EZR: variants seen among roughly 807,000 people sequenced by gnomAD.
The protein encoded by EZR is cytovillin 2.
In EZR, 40 loss-of-function variants were observed where a neutral mutation model predicts 74.8. The observed-to-expected ratio is 0.53, with a 90% confidence interval of 0.42 to 0.70. The LOEUF (loss-of-function observed/expected upper bound fraction) is 0.70. Among genes scored for constraint, EZR ranks in the 30% least tolerant of loss-of-function variants. EZR has a pLI of 0.00. For synonymous variants in EZR, 341 were observed against 283.3 expected, an observed-to-expected ratio of 1.20 and a Z score of -2.05; for missense variants, 678 against 755.8, an observed-to-expected ratio of 0.90 and a Z score of 1.21.
chr6:158,785,605 C>A, intron 4 of EZR, 22 bp from the exon 5 acceptor site: 1 of 1,608,574 alleles, frequency 6.2e-7, no homozygotes, highest in South Asian at 1.1e-5. Context: ...AAGCCACACT[C>A]TCCACACAAA....
chr6:158,785,996 A>G (rs908708579), intron 4 of EZR, among the ~76,000 whole-genome samples: 7 of 152,138 alleles, frequency 4.6e-5, no homozygotes, highest in Admixed American at 4.6e-4. Flanking sequence ...GACTGCAGTG[A>G]GCTATGATGG....
At chr6:158,767,698 A>G (rs894339811) in intron 12 of EZR, among the ~76,000 whole-genome samples, 186 bp from the exon 13 acceptor site, 3 of 152,196 alleles carry the variant, frequency 2.0e-5, no homozygotes, top group African/African-American at 7.2e-5. Context: ...CGTCCAAGAC[A>G]GGAAGAGGAA....
chr6:158,781,814 A>G (rs939791716), intron 7 of EZR, among the ~76,000 whole-genome samples: 4 of 151,742 alleles, frequency 2.6e-5, no homozygotes, highest in African/African-American at 9.7e-5. Flanking sequence ...CCCAGGCTAG[A>G]GTGCAGTGGC....
chr6:158,767,270 C>T lies in EZR; in HGVS notation c.1587G>A (p.Arg529=). 6.2e-7 allele frequency: 1 copy of T among 1,612,338 alleles called. No individual in the cohort carries two copies. The highest frequency in any genetic ancestry group is 8.5e-7 in the Non-Finnish European group (1 of 1,178,828). ...GCCCCTTGGGCCTCACCAGCAGCTGCCGCTGCACACGCTCGTTCTTCTCTG... is the reference window on the plus strand; with the variant it reads ...GCCCCTTGGGCCTCACCAGCAGCTGTCGCTGCACACGCTCGTTCTTCTCTG... ...TEAEKNERVQ[R]QLLTLSSELS... The change falls in exon 13 of 14, where the codon CGG becomes CGA. Residue 529 remains arginine, a synonymous_variant. Transcript: ENST00000367075.
Position 158,766,986 on chromosome 6 carries a change from G to A in EZR, c.1689C>T (p.Asp563=). Residue 563 remains aspartate (D), a synonymous_variant, in exon 14 of 14, where the codon GAC becomes GAT. Transcript: ENST00000367075. ...GGATCTGCCGCAGCGTCTTGTACTT[G>A]TCCCGGCCTTGCCTCATGTTCTCGT... ...IHNENMRQGR[D]KYKTLRQIRQ... is the part of the protein sequence containing the mutation. 1 of 1,614,190 alleles carries A rather than the reference G, an allele frequency of 6.2e-7. No individual in the cohort carries two copies. The highest frequency in any genetic ancestry group is 8.5e-7 in the Non-Finnish European group (1 of 1,180,036).
In EZR at chr6:158,766,118, T is replaced by C. The variant is rs1790780565; in HGVS notation, c.*796A>G. ...TCCTGCCACATCACATCAAGTGCCA[T>C]GGTTTAGAGGGTTTTTCATATGTAA... is the stretch of plus-strand genomic sequence containing the variant. On this transcript the variant is annotated 3_prime_UTR_variant, in exon 14 of 14. Coordinates refer to ENST00000367075, the MANE Select transcript of EZR (RefSeq NM_001111077.2). 1 of 152,628 alleles carries C rather than the reference T, an allele frequency of 6.6e-6. No homozygotes were observed. The highest frequency in any genetic ancestry group is 1.5e-5 in the Non-Finnish European group (1 of 68,020). The allele number at this position is 152,628 out of a possible 1,614,324, so 9.5% of individuals were successfully genotyped here. A position where few individuals can be genotyped will look rare whatever the true frequency, so the allele number is the denominator to read the frequency against.
rs1177341628 is a variant in EZR at position 158,818,170 on chromosome 6, G to C, written c.-73-4C>G. On this transcript the variant is annotated splice_region_variant and splice_polypyrimidine_tract_variant and intron_variant, in intron 1 of 13. Coordinates refer to ENST00000367075, the MANE Select transcript of EZR (RefSeq NM_001111077.2). ...GCAGCGAAGACGCTGTCCCAACCTG[G>C]AGTCAGAGCAGAACCCTTAGAGCGC... 1 of 1,563,048 alleles carries C rather than the reference G, an allele frequency of 6.4e-7. No individual in the cohort carries two copies. Among genetic ancestry groups the C allele is most frequent in the Non-Finnish European group, 8.8e-7 (1 of 1,139,766 alleles).
intron 7 of EZR, among the ~76,000 whole-genome samples, chr6:158,779,219 A>G (rs1274504133): frequency 1.3e-5 from 2 of 152,222 alleles, no homozygotes; most frequent in Non-Finnish European, 2.9e-5. Context: ...AATAATGAGA[A>G]AACACCAGAC....
chr6:158,781,683 G>A (rs770802478), intron 7 of EZR, among the ~76,000 whole-genome samples: 3 of 152,174 alleles, frequency 2.0e-5, no homozygotes, highest in Non-Finnish European at 2.9e-5. Context: ...TCCTTGGCAT[G>A]GCTGTCTTAA....
chr6:158,818,852 G>A (rs1583596545), intron 1 of EZR, among the ~76,000 whole-genome samples: 1 of 148,354 alleles, frequency 6.7e-6, no homozygotes, highest in South Asian at 2.1e-4. Context: ...AGGGCGGGCG[G>A]GGGGGCACTC....
intron 8 of EZR, among the ~76,000 whole-genome samples, chr6:158,772,727 T>G (rs77940498): frequency 0.033 from 5,024 of 152,318 alleles, 98 homozygotes; most frequent in Middle Eastern, 0.054. Context: ...CTCTGTTGGC[T>G]TCCTCTTAAC....
At chr6:158,772,209 G>T (rs73799903) in intron 8 of EZR, among the ~76,000 whole-genome samples, 6,270 of 152,330 alleles carry the variant, frequency 0.041, 409 homozygotes, top group African/African-American at 0.14. Flanking sequence ...AAGGGCAGGG[G>T]CCACACATTC....
At chr6:158,796,732 G>A (rs1213962327) in intron 2 of EZR, among the ~76,000 whole-genome samples, 2 of 152,252 alleles carry the variant, frequency 1.3e-5, no homozygotes, top group Non-Finnish European at 2.9e-5. Context: ...CTGAAAGGCT[G>A]TTGCCTGTCT....
At chr6:158,769,510 C>A in intron 11 of EZR, 92 bp from the exon 12 acceptor site, 1 of 1,318,988 alleles carries the variant, frequency 7.6e-7, no homozygotes, top group African/African-American at 1.4e-5. Context: ...GGCAAGCAGT[C>A]TCCAACGTGA....
intron 10 of EZR, 52 bp from the exon 11 acceptor site, chr6:158,769,996 G>A (rs1236734624): frequency 6.3e-7 from 1 of 1,589,658 alleles, no homozygotes; most frequent in Non-Finnish European, 8.5e-7. Context: ...AGGGACCTAG[G>A]AGCCCTCGCT....
intron 2 of EZR, among the ~76,000 whole-genome samples, chr6:158,814,373 A>AGATGATTTTCCTCTCCCCATCAGAT (rs55726149): frequency 6.6e-6 from 1 of 151,110 alleles, no homozygotes. Flanking sequence ...TTTCCCCATC[A>AGATGATTTTCCTCTCCCCATCAGAT]GATTTTCCTC....
chr6:158,785,289 C>A lies in EZR; in HGVS notation c.467+20G>T, dbSNP rs1350854918. The A allele has an allele frequency of 1.4e-5, 23 of 1,609,620 alleles. No individual in the cohort carries two copies. In the Admixed American group the frequency reaches 3.5e-4, roughly 25 times the overall value. On this transcript the variant is annotated intron_variant, in intron 5 of 13. Transcript: ENST00000367075. ...GACGGCATGACTGCTCCTGCCCAGG[C>A]CGGGTCATCCTGTGCTCACCTTTGA...
intron 9 of EZR, 110 bp from the exon 10 acceptor site, chr6:158,771,004 G>T (rs1791089207): frequency 6.6e-7 from 1 of 1,518,096 alleles, no homozygotes. Flanking sequence ...GTATCCTGAG[G>T]GCCACCCTAG....
intron 10 of EZR, among the ~76,000 whole-genome samples, chr6:158,770,415 G>A (rs1791065981): frequency 6.6e-6 from 1 of 152,296 alleles, no homozygotes; most frequent in South Asian, 2.1e-4. Context: ...TCTAGAGGTC[G>A]AGGGCAGTGC....
Sources: gnomAD v4.1 joint callset for allele counts (sites outside exome capture counted in the v4.1 genomes callset) on GRCh38, gnomAD v4.1.1 for gene constraint, MANE v1.5 for transcripts, NCBI Gene and HGNC (gene_info 2026-07-23, HGNC 2026-07-21) for gene names.